POFUT3: variants seen among roughly 807,000 people sequenced by gnomAD.
POFUT3 encodes the protein GDP-fucose protein O-fucosyltransferase 3.
At chr8:33,458,141 C>G in the POFUT3 span, among the ~76,000 whole-genome samples, 1 of 152,020 alleles carries the variant, frequency 6.6e-6, no homozygotes, top group African/African-American at 2.4e-5. Flanking sequence ...CACACAATTA[C>G]AGAGAGAAGG....
chr8:33,350,574 A>C, the POFUT3 span, among the ~76,000 whole-genome samples: 5 of 152,218 alleles, frequency 3.3e-5, no homozygotes, highest in African/African-American at 1.2e-4. Context: ...TGACATGGGA[A>C]GAGGAGGCAA....
chr8:33,390,882 T>C, the POFUT3 span, among the ~76,000 whole-genome samples: 1 of 152,216 alleles, frequency 6.6e-6, no homozygotes, highest in Admixed American at 6.5e-5. Context: ...TGGTAAGCGA[T>C]TGTTTCCTGG....
At chr8:33,308,153 AC>A in the POFUT3 span, among the ~76,000 whole-genome samples, 1 of 152,266 alleles carries the variant, frequency 6.6e-6, no homozygotes, top group Non-Finnish European at 1.5e-5. Flanking sequence ...ATGTTGTTAT[AC>A]TATGTGTGAA....
chr8:33,370,465 C>T, the POFUT3 span, among the ~76,000 whole-genome samples: 55 of 152,284 alleles, frequency 3.6e-4, 1 homozygote, highest in East Asian at 1.9e-3. Context: ...TCAAAACAGT[C>T]CTGTGAGGGA....
chr8:33,361,553 G>A, the POFUT3 span: 1 of 152,272 alleles, frequency 6.6e-6, no homozygotes, highest in South Asian at 2.1e-4. Flanking sequence ...TCCTTGAAGT[G>A]GTTTACATTT....
At chr8:33,402,026 C>CA in the POFUT3 span, among the ~76,000 whole-genome samples, 46 of 140,246 alleles carry the variant, frequency 3.3e-4, no homozygotes, top group African/African-American at 6.6e-4. Flanking sequence ...ATCCTGTCTC[C>CA]AAAAAAAAAA....
chr8:33,379,018 G>A, the POFUT3 span, among the ~76,000 whole-genome samples: 2 of 152,054 alleles, frequency 1.3e-5, no homozygotes, highest in East Asian at 3.9e-4. Context: ...CCATGCTGTT[G>A]TCATGATAGT....
At chr8:33,351,741 A>T in the POFUT3 span, among the ~76,000 whole-genome samples, 1 of 152,202 alleles carries the variant, frequency 6.6e-6, no homozygotes, top group Admixed American at 6.5e-5. Flanking sequence ...ATTGAAACAG[A>T]TGAGAGTGGA....
the POFUT3 span, among the ~76,000 whole-genome samples, chr8:33,395,241 C>A: frequency 1.3e-5 from 2 of 152,132 alleles, no homozygotes; most frequent in Non-Finnish European, 2.9e-5. Flanking sequence ...ACTTTCCTGC[C>A]CAAATGTTGC....
the POFUT3 span, among the ~76,000 whole-genome samples, chr8:33,341,588 G>A: frequency 2.0e-5 from 3 of 151,700 alleles, no homozygotes; most frequent in Non-Finnish European, 4.4e-5. Flanking sequence ...ACTGAGAGAG[G>A]AATTTATAGC....
chr8:33,411,088 A>T, the POFUT3 span, among the ~76,000 whole-genome samples: 570 of 152,304 alleles, frequency 3.7e-3, 4 homozygotes, highest in Non-Finnish European at 5.4e-3. Context: ...AGTAACTTGG[A>T]GCTAGTGATC....
At chr8:33,426,322 G>A in the POFUT3 span, among the ~76,000 whole-genome samples, 2 of 152,210 alleles carry the variant, frequency 1.3e-5, no homozygotes, top group Non-Finnish European at 2.9e-5. Flanking sequence ...AGTGAAAAAT[G>A]AGGACTGTCC....
chr8:33,374,015 T>C, the POFUT3 span, among the ~76,000 whole-genome samples: 3 of 151,700 alleles, frequency 2.0e-5, no homozygotes, highest in African/African-American at 7.2e-5. Context: ...ACCAGTACTG[T>C]TCCCTGGCCT....
chr8:33,320,731 AC>A, the POFUT3 span, among the ~76,000 whole-genome samples: 1 of 152,072 alleles, frequency 6.6e-6, no homozygotes, highest in Non-Finnish European at 1.5e-5. Context: ...TTAAACCAAA[AC>A]ACATGGCCTC....
the POFUT3 span, among the ~76,000 whole-genome samples, chr8:33,430,104 A>G: frequency 6.6e-6 from 1 of 151,820 alleles, no homozygotes; most frequent in African/African-American, 2.4e-5. Flanking sequence ...ACCAACCCCC[A>G]TTTTACACCG....
the POFUT3 span, among the ~76,000 whole-genome samples, chr8:33,412,925 G>C: frequency 6.6e-6 from 1 of 152,124 alleles, no homozygotes; most frequent in Non-Finnish European, 1.5e-5. Flanking sequence ...ACTGCACCTG[G>C]ACTGCTTTGC....
At chr8:33,318,807 T>A in the POFUT3 span, among the ~76,000 whole-genome samples, 1 of 45,250 alleles carries the variant, frequency 2.2e-5, no homozygotes, top group Non-Finnish European at 3.1e-5. Context: ...ATATATTTTA[T>A]ATATATTATA....
the POFUT3 span, among the ~76,000 whole-genome samples, chr8:33,343,534 C>T: frequency 3.0e-4 from 46 of 151,960 alleles, no homozygotes; most frequent in Non-Finnish European, 6.2e-4. Flanking sequence ...TTAGCAATTA[C>T]CATGTACACA....
the POFUT3 span, chr8:33,372,361 A>G: frequency 4.5e-6 from 6 of 1,323,572 alleles, no homozygotes; most frequent in South Asian, 7.8e-5. Flanking sequence ...CAGTGTCCAT[A>G]AGAAATATTT....
Sources: gnomAD v4.1 joint callset for allele counts (sites outside exome capture counted in the v4.1 genomes callset) on GRCh38, gnomAD v4.1.1 for gene constraint, MANE v1.5 for transcripts, NCBI Gene and HGNC (gene_info 2026-07-23, HGNC 2026-07-21) for gene names.